CHRM3: variants seen among roughly 807,000 people sequenced by gnomAD.
CHRM3 encodes cholinergic receptor muscarinic 3.
A neutral mutation model predicts 41.8 loss-of-function variants in CHRM3; 11 were observed. That is an observed-to-expected ratio of 0.26 (90% CI 0.17 to 0.44). The LOEUF (loss-of-function observed/expected upper bound fraction) is 0.44. CHRM3 is among the 20% of genes least tolerant of loss of function. The pLI, the probability that CHRM3 is intolerant of heterozygous loss-of-function variation, is 1.00. For synonymous variants in CHRM3, 297 were observed against 301.4 expected, an observed-to-expected ratio of 0.99 and a Z score of 0.15; for missense variants, 571 against 745.4, an observed-to-expected ratio of 0.77 and a Z score of 2.72.
chr1:239,506,374 C>T (rs943592872), intron 2 of CHRM3, among the ~76,000 whole-genome samples: 2 of 152,280 alleles, frequency 1.3e-5, no homozygotes, highest in Non-Finnish European at 2.9e-5. Context: ...GCCACTCCAG[C>T]CATGGCTAAA....
At chr1:239,404,378 A>AAGAAAGAAAGAAAGAAAGAAAGAAAG (rs1660291058) in intron 1 of CHRM3, among the ~76,000 whole-genome samples, 1 of 73,756 alleles carries the variant, frequency 1.4e-5, no homozygotes, top group African/African-American at 5.6e-5. Flanking sequence ...GAAAGAAAGA[A>AAGAAAGAAAGAAAGAAAGAAAGAAAG]AGAAAGAAAG....
chr1:239,388,030 G>A (rs1291467282), intron 1 of CHRM3, among the ~76,000 whole-genome samples: 2 of 152,122 alleles, frequency 1.3e-5, no homozygotes, highest in Non-Finnish European at 1.5e-5. Context: ...TGTCTACTTC[G>A]CGGTGTGCGT....
At chr1:239,519,346 T>A (rs1236011602) in intron 2 of CHRM3, among the ~76,000 whole-genome samples, 2 of 152,180 alleles carry the variant, frequency 1.3e-5, no homozygotes, top group Non-Finnish European at 2.9e-5. Flanking sequence ...AGATTACATA[T>A]TGTAGTTGAA....
chr1:239,581,550 T>C (rs929037556), intron 3 of CHRM3, among the ~76,000 whole-genome samples: 5 of 152,194 alleles, frequency 3.3e-5, no homozygotes, highest in African/African-American at 1.2e-4. Flanking sequence ...CTCCTTGTGC[T>C]GGTCACCTTT....
intron 5 of CHRM3, among the ~76,000 whole-genome samples, chr1:239,779,524 G>A (rs768196801): frequency 3.3e-5 from 5 of 152,150 alleles, no homozygotes; most frequent in South Asian, 2.1e-4. Context: ...ACTTGAGGCC[G>A]GGAGTTTGAG....
At chr1:239,406,117 C>A (rs1660577003) in intron 1 of CHRM3, among the ~76,000 whole-genome samples, 1 of 152,192 alleles carries the variant, frequency 6.6e-6, no homozygotes, top group Non-Finnish European at 1.5e-5. Flanking sequence ...ATCTCGAACT[C>A]CTGACCTCAT....
At chr1:239,436,234 C>A (rs1663255758) in intron 1 of CHRM3, among the ~76,000 whole-genome samples, 1 of 152,082 alleles carries the variant, frequency 6.6e-6, no homozygotes, top group Admixed American at 6.6e-5. Flanking sequence ...AGATTGTAAA[C>A]ATATTAATTA....
At chr1:239,578,913 C>A (rs1662616277) in intron 3 of CHRM3, among the ~76,000 whole-genome samples, 1 of 152,138 alleles carries the variant, frequency 6.6e-6, no homozygotes, top group African/African-American at 2.4e-5. Context: ...TGCACCATTG[C>A]CCAAGTTCAG....
intron 5 of CHRM3, among the ~76,000 whole-genome samples, chr1:239,720,479 G>C (rs1475649874): frequency 6.6e-6 from 1 of 151,892 alleles, no homozygotes; most frequent in Non-Finnish European, 1.5e-5. Context: ...AAATGAAACA[G>C]TAATGCTCTC....
chr1:239,529,936 C>T (rs918655535), intron 2 of CHRM3, among the ~76,000 whole-genome samples: 29 of 152,020 alleles, frequency 1.9e-4, no homozygotes, highest in African/African-American at 6.8e-4. Flanking sequence ...CTCGCTCTGT[C>T]GCCCAGGCTG....
intron 1 of CHRM3, among the ~76,000 whole-genome samples, chr1:239,450,107 C>T (rs1429002735): frequency 3.3e-5 from 5 of 152,150 alleles, no homozygotes; most frequent in East Asian, 1.9e-4. Flanking sequence ...TCCTCCTCCC[C>T]GTGAGAGTCT....
Position 239,387,984 on chromosome 1 carries a change from G to A in CHRM3, c.-521+757G>A, listed in dbSNP as rs1384151040. Among the ~76,000 whole-genome samples, 3 of 152,098 alleles carry A rather than the reference G, an allele frequency of 2.0e-5. No homozygotes were observed. Among genetic ancestry groups the A allele is most frequent in the African/African-American group, 7.2e-5 (3 of 41,410 alleles). On this transcript the variant is annotated intron_variant, in intron 1 of 6. Coordinates refer to ENST00000676153, the MANE Select transcript of CHRM3 (RefSeq NM_001375978.1). The surrounding 1 kb of genome is among the most constrained non-coding windows in gnomAD (Gnocchi z 5.1). ...TTTTGCGTGTTTTTAAACGGCGGGGGCGGGCGGACAGTTGACTCCAGCAGC... is the reference window on the plus strand; with the variant it reads ...TTTTGCGTGTTTTTAAACGGCGGGGACGGGCGGACAGTTGACTCCAGCAGC...
intron 1 of CHRM3, among the ~76,000 whole-genome samples, chr1:239,436,869 C>A (rs572083764): frequency 6.6e-6 from 1 of 152,066 alleles, no homozygotes; most frequent in Non-Finnish European, 1.5e-5. Flanking sequence ...ACTCCGTCTT[C>A]ATGGGGACTG....
intron 4 of CHRM3, among the ~76,000 whole-genome samples, chr1:239,668,640 T>C (rs973510055): frequency 2.6e-5 from 4 of 152,206 alleles, no homozygotes; most frequent in Admixed American, 1.3e-4. Flanking sequence ...GTATTGCCTC[T>C]GTACAGCTTA....
chr1:239,822,110 T>C (rs966074098), intron 5 of CHRM3, among the ~76,000 whole-genome samples: 2 of 152,200 alleles, frequency 1.3e-5, no homozygotes, highest in Non-Finnish European at 2.9e-5. Flanking sequence ...TTTATAGCAG[T>C]GTGAGAACAG....
intron 5 of CHRM3, among the ~76,000 whole-genome samples, chr1:239,787,193 G>A (rs1482996435): frequency 6.6e-6 from 1 of 152,190 alleles, no homozygotes; most frequent in Non-Finnish European, 1.5e-5. Flanking sequence ...TTTAATTTTA[G>A]ATTTCTGAAG....
At chr1:239,899,706 A>G (rs1679357908) in intron 6 of CHRM3, 1 of 152,110 alleles carries the variant, frequency 6.6e-6, no homozygotes, top group Admixed American at 6.6e-5. Flanking sequence ...TATATATACT[A>G]AGTATATATA....
intron 4 of CHRM3, among the ~76,000 whole-genome samples, chr1:239,655,095 G>T (rs998811105): frequency 6.6e-6 from 1 of 152,132 alleles, no homozygotes; most frequent in Non-Finnish European, 1.5e-5. Context: ...TTATGTTCTC[G>T]TGCAGCGAAA....
At chr1:239,747,559 T>C (rs899314204) in intron 5 of CHRM3, among the ~76,000 whole-genome samples, 30 of 152,292 alleles carry the variant, frequency 2.0e-4, no homozygotes, top group African/African-American at 7.0e-4. Flanking sequence ...AGCCTGTTCT[T>C]GCCCCTCTTT....
Sources: allele counts gnomAD v4.1 joint callset (sites outside exome capture counted in the v4.1 genomes callset), GRCh38; gene constraint gnomAD v4.1.1; non-coding constraint Gnocchi (gnomAD v3.1); transcripts MANE v1.5; gene names NCBI Gene and HGNC (gene_info 2026-07-23, HGNC 2026-07-21).